Variants in PRLR observed in about 807,000 individuals in gnomAD.
PRLR encodes prolactin receptor.
PRLR carries 13 observed loss-of-function variants against 40.2 expected under a neutral mutation model. The observed-to-expected ratio is 0.32, with a 90% CI of 0.21 to 0.51. The LOEUF (loss-of-function observed/expected upper bound fraction) is 0.51, where lower values mean the gene tolerates loss of function less well. PRLR is among the 20% of genes least tolerant of loss of function. The probability of loss-of-function intolerance (pLI) is 0.97; values close to 1 mark genes in which losing one functional copy is unlikely to be tolerated. For missense variants in PRLR, 656 were observed against 747.3 expected (o/e 0.88, Z 1.42); for synonymous variants, 269 against 278.7 (o/e 0.97, Z 0.35).
chr5:35,169,684 T>C (rs1245506179), intron 1 of PRLR, among the ~76,000 whole-genome samples: 1 of 152,356 alleles, frequency 6.6e-6, no homozygotes, highest in East Asian at 1.9e-4. Context: ...CAATTAATTA[T>C]TGATTTACCA....
chr5:35,220,153 T>C (rs879613827), intron 1 of PRLR, among the ~76,000 whole-genome samples: 2 of 152,114 alleles, frequency 1.3e-5, no homozygotes, highest in East Asian at 1.9e-4. Context: ...CCAACCATGA[T>C]CCTACCCTGC....
chr5:35,053,383 T>G (rs1236390221), downstream of PRLR, among the ~76,000 whole-genome samples: 1 of 152,230 alleles, frequency 6.6e-6, no homozygotes, highest in African/African-American at 2.4e-5. Flanking sequence ...CTGGGCATGG[T>G]GGCTCACGCC....
At chr5:35,199,299 A>G (rs1775816944) in intron 1 of PRLR, among the ~76,000 whole-genome samples, 1 of 152,160 alleles carries the variant, frequency 6.6e-6, no homozygotes, top group African/African-American at 2.4e-5. Flanking sequence ...TGCTGTGGAC[A>G]TTTTCAGTTA....
chr5:35,103,921 T>G (rs72734539), intron 2 of PRLR, among the ~76,000 whole-genome samples: 175 of 152,334 alleles, frequency 1.1e-3, no homozygotes, highest in Non-Finnish European at 2.1e-3. Context: ...TGTCTTTGAT[T>G]GCCTAAAAGA....
At position 35,211,234 on chromosome 5, in the gene PRLR, C is replaced by T. The variant is rs376790954; in HGVS notation, c.-106+19034G>A. Among the ~76,000 whole-genome samples, 173 of 152,314 alleles carry T rather than the reference C, an allele frequency of 1.1e-3. 5 individuals carry two copies. The South Asian group carries it at 0.034, about 30-fold the overall frequency. Reference sequence around the variant, plus strand: ...CTCTCCCCTAAATCCCCTGCACTTTCTCAATTTCTCCCCCACTTTCACACT... The same window carrying T: ...CTCTCCCCTAAATCCCCTGCACTTTTTCAATTTCTCCCCCACTTTCACACT... On this transcript the variant is annotated intron_variant, in intron 1 of 9. Transcript: ENST00000618457.
At chr5:35,149,989 C>G (rs975225985) in intron 1 of PRLR, among the ~76,000 whole-genome samples, 1 of 152,096 alleles carries the variant, frequency 6.6e-6, no homozygotes, top group Admixed American at 6.5e-5. Context: ...CTCCCAAGTA[C>G]AGGCGTGAGC....
intron 1 of PRLR, among the ~76,000 whole-genome samples, chr5:35,212,155 T>C (rs1776185119): frequency 6.6e-6 from 1 of 152,232 alleles, no homozygotes; most frequent in Non-Finnish European, 1.5e-5. Flanking sequence ...ATAATACCTC[T>C]TCGTAGGTAT....
chr5:35,149,395 T>A (rs956035706), intron 1 of PRLR, among the ~76,000 whole-genome samples: 5 of 152,198 alleles, frequency 3.3e-5, no homozygotes, highest in African/African-American at 9.7e-5. Flanking sequence ...TTAAAACCTT[T>A]GATAATAATA....
At position 35,211,884 on chromosome 5, in the gene PRLR, C is replaced by A. The variant is rs186940831; in HGVS notation, c.-106+18384G>T. ...TGAGGATAAATTAATTTGTGTTATT[C>A]CAGCAAATACTTGGCATTAAGAGAG... On this transcript the variant is annotated intron_variant, in intron 1 of 9. Transcript: ENST00000618457. 1.7e-3 allele frequency among the ~76,000 whole-genome samples: 265 copies of A among 152,234 alleles called. 1 individual carries two copies. The highest frequency in any genetic ancestry group is 5.6e-3 in the African/African-American group (234 of 41,536).
intron 5 of PRLR, among the ~76,000 whole-genome samples, chr5:35,079,558 G>A (rs532392841): frequency 1.3e-5 from 2 of 152,202 alleles, no homozygotes; most frequent in East Asian, 1.9e-4. Context: ...AAATAAAAGA[G>A]GATACACAGA....
At chr5:35,096,262 C>G (rs1223716232) in intron 2 of PRLR, among the ~76,000 whole-genome samples, 1 of 152,222 alleles carries the variant, frequency 6.6e-6, no homozygotes, top group African/African-American at 2.4e-5. Context: ...GCTTCCAAAT[C>G]TAATCACATT....
chr5:35,176,525 C>CT (rs1202444467), intron 1 of PRLR, among the ~76,000 whole-genome samples: 15 of 152,182 alleles, frequency 9.9e-5, no homozygotes, highest in Non-Finnish European at 1.5e-4. Flanking sequence ...CCCCCAACCC[C>CT]GTGCTCTCTG....
At chr5:35,130,214 T>A (rs1355034455) in intron 1 of PRLR, 1 of 152,196 alleles carries the variant, frequency 6.6e-6, no homozygotes, top group East Asian at 1.9e-4. Context: ...AAAACAAAAA[T>A]TGACTAACTT....
chr5:35,084,534 G>T lies in PRLR; in HGVS notation c.309C>A (p.Val103=). The part of the protein sequence containing the change: ...TSMWRTYIMM[V]NATNQMGSSF... ...TGCTTCCCATCTGGTTAGTGGCATT[G>T]ACCATCATGATGTATGTCCTCCACA... is the stretch of plus-strand genomic sequence containing the variant. The change falls in exon 5 of 10, where the codon GTC becomes GTA. Residue 103 remains valine (V), a synonymous_variant. Coordinates refer to ENST00000618457, the MANE Select transcript of PRLR (RefSeq NM_000949.7). The T allele has an allele frequency of 6.2e-7, 1 of 1,602,716 alleles. No individual in the cohort carries two copies. The highest frequency in any genetic ancestry group is 1.1e-5 in the South Asian group (1 of 88,000).
At chr5:35,102,900 T>A (rs1273767109) in intron 2 of PRLR, among the ~76,000 whole-genome samples, 1 of 152,200 alleles carries the variant, frequency 6.6e-6, no homozygotes, top group Non-Finnish European at 1.5e-5. Flanking sequence ...TAGTTCTCAC[T>A]TTTGTTAGCT....
intron 2 of PRLR, among the ~76,000 whole-genome samples, chr5:35,108,435 T>C (rs942606399): frequency 1.3e-5 from 2 of 152,146 alleles, no homozygotes; most frequent in African/African-American, 4.8e-5. Flanking sequence ...AGTCAAATTG[T>C]CCCTCTTTGC....
intron 9 of PRLR, 85 bp from the exon 10 acceptor site, chr5:35,066,187 T>A: frequency 1.5e-6 from 2 of 1,315,280 alleles, no homozygotes; most frequent in Non-Finnish European, 2.1e-6. Context: ...TGCTGTTCAT[T>A]GCCACAAGCA....
chr5:35,049,505 G>T lies in PRLR; in HGVS notation c.1010-97C>A. 3 of 633,026 alleles carry T rather than the reference G, an allele frequency of 4.7e-6. No homozygotes were observed. In the South Asian group the frequency reaches 5.6e-5, roughly 12 times the overall value. 39.2% of individuals were successfully genotyped at this position (633,026 alleles called of 1,614,324 possible). A position where few individuals can be genotyped will look rare whatever the true frequency, so the allele number is the denominator to read the frequency against. On this transcript the variant is annotated intron_variant, in intron 8 of 8. Coordinates refer to the PRLR transcript ENST00000231423. ...ATTTAAAAAGAAAATAAATTATTCG[G>T]ATTACCATAACATAATATGTACTTC...
intron 1 of PRLR, among the ~76,000 whole-genome samples, chr5:35,176,874 G>A (rs1220037147): frequency 2.0e-5 from 3 of 152,214 alleles, no homozygotes; most frequent in Non-Finnish European, 2.9e-5. Flanking sequence ...CAAGAGGAAG[G>A]CATCTGTCTC....
Sources: allele counts gnomAD v4.1 joint callset (sites outside exome capture counted in the v4.1 genomes callset), GRCh38; gene constraint gnomAD v4.1.1; transcripts MANE v1.5; gene names NCBI Gene and HGNC (gene_info 2026-07-23, HGNC 2026-07-21).